Variants in ATRNL1 observed in about 807,000 individuals in gnomAD.
ATRNL1 encodes the protein attractin-like protein 1.
Under a neutral mutation model 182.7 loss-of-function variants are expected in ATRNL1, and 95 were observed. That is an observed-to-expected ratio of 0.52 (90% CI 0.44 to 0.62). The LOEUF is 0.62. Among genes scored for constraint, ATRNL1 ranks in the 20% least tolerant of loss-of-function variants. The pLI is 0.00. For synonymous variants in ATRNL1, 576 were observed against 568.3 expected (o/e 1.01, Z -0.19); for missense variants, 1,471 against 1,679.5 (o/e 0.88, Z 2.17).
At chr10:115,315,829 GA>G in intron 18 of ATRNL1, 93 bp downstream of exon 18, 1 of 983,452 alleles carries the variant, frequency 1.0e-6, no homozygotes. Context: ...TTAGCTTTAG[GA>G]AAAAAGCAGA....
Position 115,331,161 on chromosome 10 carries a change from G to A in ATRNL1, c.3038-3121G>A, listed in dbSNP as rs556517135. Among the ~76,000 whole-genome samples, 8 of 152,060 alleles carry A rather than the reference G, an allele frequency of 5.3e-5. No individual in the cohort carries two copies. In the South Asian group the frequency reaches 6.2e-4, roughly 12 times the overall value. On this transcript the variant is annotated intron_variant, in intron 18 of 28. Coordinates refer to ENST00000355044, the MANE Select transcript of ATRNL1 (RefSeq NM_207303.4). ...TGCAACCTCCACCTCCTGGGTTCAC[G>A]CCATTCTCCTGCCTCAGCCTCCCAA...
chr10:115,822,354 A>G (rs1245620119), intron 27 of ATRNL1, among the ~76,000 whole-genome samples: 2 of 152,202 alleles, frequency 1.3e-5, no homozygotes, highest in Non-Finnish European at 1.5e-5. Context: ...ACACCCTAAC[A>G]TCACAAGTAA....
intron 26 of ATRNL1, among the ~76,000 whole-genome samples, chr10:115,685,244 G>T (rs1158999405): frequency 5.9e-5 from 9 of 151,642 alleles, no homozygotes; most frequent in African/African-American, 2.2e-4. Flanking sequence ...GCAAAATCAA[G>T]AAGTTAGAAC....
intron 9 of ATRNL1, among the ~76,000 whole-genome samples, chr10:115,219,792 A>G (rs923594210): frequency 3.3e-5 from 5 of 152,044 alleles, no homozygotes; most frequent in Admixed American, 2.0e-4. Context: ...AGTCCCAGCT[A>G]CTTGTTGGTC....
chr10:115,469,330 G>A lies in ATRNL1; in HGVS notation c.3654+1G>A. 1.3e-6 allele frequency: 2 copies of A among 1,513,240 alleles called. No homozygotes were observed. The highest frequency in any genetic ancestry group is 1.3e-5 in the South Asian group (1 of 77,326). 93.7% of individuals were successfully genotyped at this position (1,513,240 alleles called of 1,614,324 possible). On this transcript the variant is annotated splice_donor_variant, in intron 24 of 28. Coordinates refer to ENST00000355044, the MANE Select transcript of ATRNL1 (RefSeq NM_207303.4). LOFTEE classifies it high-confidence loss of function. Reference sequence around the variant, plus strand: ...CTTTTCCTGGCCTATTAAAATACAGGTAAGTGTTAAGAGTATTTACTTCTA... The same window carrying A: ...CTTTTCCTGGCCTATTAAAATACAGATAAGTGTTAAGAGTATTTACTTCTA...
Position 115,528,953 on chromosome 10 carries a change from T to A in ATRNL1, c.3716+9629T>A, listed in dbSNP as rs114740030. ...TTTTCTTCTGTTTTTGATTTCTAAC[T>A]TTATCCCACTGTGGGTGGTGAAGAT... On this transcript the variant is annotated intron_variant, in intron 25 of 28. Coordinates refer to ENST00000355044, the MANE Select transcript of ATRNL1 (RefSeq NM_207303.4). Among the ~76,000 whole-genome samples the A allele has an allele frequency of 7.6e-3, 1,160 of 152,230 alleles. 21 individuals carry two copies. The highest frequency in any genetic ancestry group is 0.027 in the African/African-American group (1,113 of 41,554).
intron 10 of ATRNL1, among the ~76,000 whole-genome samples, chr10:115,245,315 A>G (rs554788366): frequency 6.6e-6 from 1 of 151,970 alleles, no homozygotes; most frequent in South Asian, 2.1e-4. Flanking sequence ...CCTGACCAAC[A>G]TGGAGAAACC....
At chr10:115,716,514 T>C (rs1341003955) in intron 26 of ATRNL1, among the ~76,000 whole-genome samples, 3 of 152,134 alleles carry the variant, frequency 2.0e-5, no homozygotes, top group African/African-American at 7.2e-5. Context: ...TATGTTGCAT[T>C]TAGAATTTTT....
At position 115,426,130 on chromosome 10, in the gene ATRNL1, A is replaced by G. The variant is rs544391183; in HGVS notation, c.3270-120A>G. 182 of 667,314 alleles carry G rather than the reference A, an allele frequency of 2.7e-4. 1 individual carries two copies. The highest frequency in any genetic ancestry group is 4.0e-4 in the Non-Finnish European group (163 of 407,666). The allele number at this position is 667,314 out of a possible 1,614,324, so 41.3% of individuals were successfully genotyped here. On this transcript the variant is annotated intron_variant, in intron 20 of 28. Coordinates refer to ENST00000355044, the MANE Select transcript of ATRNL1 (RefSeq NM_207303.4). ...CAAAGATGTGTTTTTGAAATTTCAAATAATGGTATAGTTTTAAATATGTTT... is the reference window on the plus strand; with the variant it reads ...CAAAGATGTGTTTTTGAAATTTCAAGTAATGGTATAGTTTTAAATATGTTT...
intron 5 of ATRNL1, among the ~76,000 whole-genome samples, chr10:115,144,233 C>T (rs1592161641): frequency 1.3e-5 from 2 of 152,104 alleles, no homozygotes; most frequent in South Asian, 2.1e-4. Flanking sequence ...CTGCAAGTTC[C>T]GCCTCCTGGG....
chr10:115,400,811 C>T (rs1844528052), intron 20 of ATRNL1, among the ~76,000 whole-genome samples: 1 of 151,830 alleles, frequency 6.6e-6, no homozygotes, highest in South Asian at 2.1e-4. Context: ...TTCTCCATTC[C>T]TTAGTTTTGA....
At chr10:115,410,011 A>G (rs769359553) in intron 20 of ATRNL1, among the ~76,000 whole-genome samples, 7 of 151,864 alleles carry the variant, frequency 4.6e-5, no homozygotes, top group South Asian at 4.2e-4. Context: ...CATTTTGTTG[A>G]TGTGATGTGT....
intron 27 of ATRNL1, among the ~76,000 whole-genome samples, chr10:115,817,908 T>A (rs1565405682): frequency 6.6e-6 from 1 of 150,700 alleles, no homozygotes; most frequent in East Asian, 2.0e-4. Context: ...TTTTAATGTT[T>A]AGTCACACAA....
intron 26 of ATRNL1, among the ~76,000 whole-genome samples, chr10:115,627,332 G>A (rs138061432): frequency 1.4e-3 from 210 of 151,968 alleles, no homozygotes; most frequent in African/African-American, 4.6e-3. Flanking sequence ...TTATCTTTAC[G>A]TTTTTGAAGT....
intron 26 of ATRNL1, among the ~76,000 whole-genome samples, chr10:115,651,998 G>T (rs1235889906): frequency 6.6e-6 from 1 of 152,032 alleles, no homozygotes; most frequent in Non-Finnish European, 1.5e-5. Flanking sequence ...AAGGATTTAT[G>T]AAATAGATTA....
chr10:115,164,876 A>G (rs1349895848), intron 6 of ATRNL1, among the ~76,000 whole-genome samples: 2 of 152,154 alleles, frequency 1.3e-5, no homozygotes, highest in Non-Finnish European at 1.5e-5. Flanking sequence ...CCAAAAAGCA[A>G]TTAGATAGAA....
At chr10:115,830,098 C>T (rs1290331195) in intron 27 of ATRNL1, among the ~76,000 whole-genome samples, 2 of 152,208 alleles carry the variant, frequency 1.3e-5, no homozygotes, top group Non-Finnish European at 2.9e-5. Flanking sequence ...GCAGTTCTAG[C>T]TGCATATATG....
chr10:115,845,725 A>T (rs894992433), intron 27 of ATRNL1, among the ~76,000 whole-genome samples: 4 of 150,952 alleles, frequency 2.6e-5, no homozygotes, highest in African/African-American at 9.7e-5. Flanking sequence ...ATGCCTTTGG[A>T]TATGCTGAAT....
At chr10:115,615,540 G>A (rs1311234999) in intron 26 of ATRNL1, among the ~76,000 whole-genome samples, 2 of 151,988 alleles carry the variant, frequency 1.3e-5, no homozygotes, top group Non-Finnish European at 2.9e-5. Flanking sequence ...GATATGGTTT[G>A]GATCTGTGTC....
Sources: allele counts gnomAD v4.1 joint callset (sites outside exome capture counted in the v4.1 genomes callset), GRCh38; gene constraint gnomAD v4.1.1; transcripts MANE v1.5; gene names NCBI Gene and HGNC (gene_info 2026-07-23, HGNC 2026-07-21).